PRELID2: variants seen among roughly 807,000 people sequenced by gnomAD.
PRELID2 encodes the protein PRELI domain-containing protein 2.
A neutral mutation model predicts 28.4 loss-of-function variants in PRELID2; 25 were observed. The observed-to-expected ratio is 0.88, with a 90% confidence interval of 0.64 to 1.23. The LOEUF (loss-of-function observed/expected upper bound fraction) is 1.23. Ranked by LOEUF, PRELID2 falls within the 50% of genes most tolerant of loss-of-function variation. PRELID2 has a pLI of 0.00. For synonymous variants in PRELID2, 76 were observed against 71.6 expected (o/e 1.06, Z -0.31); for missense variants, 201 against 214.4 (o/e 0.94, Z 0.39).
the PRELID2 span, among the ~76,000 whole-genome samples, chr5:145,412,450 T>C: frequency 6.6e-6 from 1 of 152,232 alleles, no homozygotes. Flanking sequence ...CTTCACCATC[T>C]GACCACCTCA....
chr5:145,630,154 A>ATGGT (rs1193234396), intron 1 of PRELID2, among the ~76,000 whole-genome samples: 2 of 152,062 alleles, frequency 1.3e-5, no homozygotes, highest in Non-Finnish European at 2.9e-5. Flanking sequence ...GGATGGATGG[A>ATGGT]TGGATGGATG....
chr5:145,269,118 C>T, the PRELID2 span, among the ~76,000 whole-genome samples: 5 of 152,206 alleles, frequency 3.3e-5, no homozygotes, highest in South Asian at 8.3e-4. Flanking sequence ...TTAATCTATA[C>T]ATTCATACAA....
At chr5:145,744,444 T>C (rs1434754465) in intron 1 of PRELID2, among the ~76,000 whole-genome samples, 3 of 152,136 alleles carry the variant, frequency 2.0e-5, no homozygotes, top group South Asian at 2.1e-4. Flanking sequence ...ACAGAAGGAA[T>C]CCTACTGGCA....
rs193067538 is a variant in PRELID2, at chr5:145,822,638, A to G, written c.133+439T>C. Among the ~76,000 whole-genome samples, 139 of 152,338 alleles carry G rather than the reference A, an allele frequency of 9.1e-4. 2 individuals are homozygous for G. Among genetic ancestry groups the G allele is most frequent in the Admixed American group, 8.0e-3 (123 of 15,290 alleles). On this transcript the variant is annotated intron_variant, in intron 2 of 6. Transcript: ENST00000683046. ...CAAAATGATATAATAGGCTACAGCC[A>G]TGTGACCTTGAGCAAGTCACTTAAC...
chr5:145,634,141 A>T (rs1281311762), intron 1 of PRELID2, among the ~76,000 whole-genome samples: 2 of 152,196 alleles, frequency 1.3e-5, no homozygotes, highest in Non-Finnish European at 2.9e-5. Flanking sequence ...GGCAATGTAA[A>T]CAAAGACACA....
the PRELID2 span, among the ~76,000 whole-genome samples, chr5:145,336,020 C>T: frequency 6.6e-6 from 1 of 152,208 alleles, no homozygotes; most frequent in Non-Finnish European, 1.5e-5. Flanking sequence ...TCTCTGATGG[C>T]CAGTGATGGT....
intron 1 of PRELID2, among the ~76,000 whole-genome samples, chr5:145,609,652 G>A (rs1455959315): frequency 6.6e-6 from 1 of 152,218 alleles, no homozygotes; most frequent in East Asian, 1.9e-4. Flanking sequence ...CTAGAGGAGG[G>A]GCTCAGTGGG....
intron 1 of PRELID2, among the ~76,000 whole-genome samples, chr5:145,652,374 C>A (rs1284826959): frequency 6.6e-6 from 1 of 152,192 alleles, no homozygotes; most frequent in East Asian, 1.9e-4. Context: ...GGCAGGCCAA[C>A]ATTCAAATTC....
At chr5:145,622,988 T>C (rs1410894651) in intron 1 of PRELID2, among the ~76,000 whole-genome samples, 5 of 152,046 alleles carry the variant, frequency 3.3e-5, no homozygotes, top group African/African-American at 9.6e-5. Flanking sequence ...AAAAATTATA[T>C]ATTATTAAAA....
chr5:145,567,052 T>C (rs537836143), intron 1 of PRELID2, among the ~76,000 whole-genome samples: 103 of 152,156 alleles, frequency 6.8e-4, no homozygotes, highest in African/African-American at 2.4e-3. Context: ...AGTATATATA[T>C]CATTTTCATA....
chr5:145,286,720 GTTTGTTT>G, the PRELID2 span, among the ~76,000 whole-genome samples: 1,397 of 117,858 alleles, frequency 0.012, 24 homozygotes, highest in African/African-American at 0.05. Flanking sequence ...TTGTTTGTTT[GTTTGTTT>G]TTTTTTTTTT....
intron 4 of PRELID2, among the ~76,000 whole-genome samples, chr5:145,813,771 C>T (rs994292000): frequency 6.6e-6 from 1 of 151,256 alleles, no homozygotes; most frequent in African/African-American, 2.4e-5. Context: ...TGGAACATAA[C>T]AAACCAAAGG....
chr5:145,519,777 AG>A (rs1156674633), intron 1 of PRELID2, among the ~76,000 whole-genome samples: 7 of 152,222 alleles, frequency 4.6e-5, no homozygotes, highest in African/African-American at 1.4e-4. Flanking sequence ...ATTAATTGAA[AG>A]TGCTGAACCA....
At position 145,757,529 on chromosome 5, in the gene PRELID2, CTT is replaced by C. The variant is rs1757294707; in HGVS notation, c.*3005_*3006del. On this transcript the variant is annotated 3_prime_UTR_variant, in exon 7 of 7. Coordinates refer to ENST00000683046, the MANE Select transcript of PRELID2 (RefSeq NM_205846.3). Reference sequence around the variant, plus strand: ...GTCTGTGAATTAACCCTTTCCCACTCTTGTTTCTAGTGTGCCCAATAAGCCTG... The same window carrying C: ...GTCTGTGAATTAACCCTTTCCCACTCGTTTCTAGTGTGCCCAATAAGCCTG... 6.6e-6 allele frequency among the ~76,000 whole-genome samples: 1 copy of C among 152,134 alleles called. No individual in the cohort carries two copies. The highest frequency in any genetic ancestry group is 2.4e-5 in the African/African-American group (1 of 41,428).
At chr5:145,654,000 A>C (rs1234758594) in intron 1 of PRELID2, among the ~76,000 whole-genome samples, 1 of 152,208 alleles carries the variant, frequency 6.6e-6, no homozygotes, top group African/African-American at 2.4e-5. Flanking sequence ...ATAGATCGCT[A>C]GCAAGACTAA....
chr5:145,317,119 G>T, the PRELID2 span, among the ~76,000 whole-genome samples: 1 of 152,184 alleles, frequency 6.6e-6, no homozygotes, highest in Non-Finnish European at 1.5e-5. Flanking sequence ...CTGTTGGAAG[G>T]CTGGTGTGGA....
the PRELID2 span, among the ~76,000 whole-genome samples, chr5:145,240,810 TA>T: frequency 2.0e-5 from 3 of 152,000 alleles, no homozygotes; most frequent in Admixed American, 1.3e-4. Flanking sequence ...AGATGACATA[TA>T]AAAAAATTAA....
chr5:145,774,449 T>C (rs1035878747), intron 5 of PRELID2, among the ~76,000 whole-genome samples: 1 of 152,272 alleles, frequency 6.6e-6, no homozygotes, highest in African/African-American at 2.4e-5. Flanking sequence ...CATATAAAGC[T>C]ACTGGCACAC....
chr5:145,239,200 T>C, the PRELID2 span, among the ~76,000 whole-genome samples: 2 of 152,116 alleles, frequency 1.3e-5, no homozygotes, highest in African/African-American at 4.8e-5. Context: ...GACTGACCAA[T>C]GATTCCTCCT....
Sources: allele counts gnomAD v4.1 joint callset (sites outside exome capture counted in the v4.1 genomes callset), GRCh38; gene constraint gnomAD v4.1.1; transcripts MANE v1.5; gene names NCBI Gene and HGNC (gene_info 2026-07-23, HGNC 2026-07-21).